SSH2: variants seen among roughly 807,000 people sequenced by gnomAD.
SSH2 encodes the protein protein phosphatase Slingshot homolog 2.
A neutral mutation model predicts 135.2 loss-of-function variants in SSH2; 37 were observed. The observed-to-expected ratio is 0.27, with a 90% CI of 0.21 to 0.36. The LOEUF (loss-of-function observed/expected upper bound fraction) is 0.36. Ranked by LOEUF, SSH2 falls within the 10% of genes least tolerant of loss-of-function variation. The probability of loss-of-function intolerance (pLI) is 1.00; values close to 1 mark genes in which losing one functional copy is unlikely to be tolerated. For synonymous variants in SSH2, 628 were observed against 646.2 expected, an observed-to-expected ratio of 0.97 and a Z score of 0.43; for missense variants, 1,408 against 1,765.3, an observed-to-expected ratio of 0.80 and a Z score of 3.63.
chr17:29,893,795 T>TG (rs1219425229), intron 1 of SSH2, among the ~76,000 whole-genome samples: 7 of 152,166 alleles, frequency 4.6e-5, no homozygotes, highest in Admixed American at 1.3e-4. Flanking sequence ...CTCTACAAGA[T>TG]GAGTTTCTCC....
intron 11 of SSH2, among the ~76,000 whole-genome samples, chr17:29,665,101 G>A (rs2037217323): frequency 6.6e-6 from 1 of 152,032 alleles, no homozygotes; most frequent in African/African-American, 2.4e-5. Context: ...CAGTTGGGAG[G>A]GCCCCATAGA....
chr17:29,716,528 T>C (rs1251902792), intron 3 of SSH2: 3 of 720,470 alleles, frequency 4.2e-6, no homozygotes, highest in Non-Finnish European at 5.1e-6. Context: ...GTAACACTTG[T>C]GGGGCATTCC....
intron 1 of SSH2, among the ~76,000 whole-genome samples, chr17:29,908,940 G>A (rs575746496): frequency 6.6e-6 from 1 of 151,826 alleles, no homozygotes; most frequent in Non-Finnish European, 1.5e-5. Flanking sequence ...ACCCAGGCGT[G>A]GTGGCGGGTG....
intron 3 of SSH2, among the ~76,000 whole-genome samples, chr17:29,785,954 G>A (rs2041954844): frequency 6.6e-6 from 1 of 151,974 alleles, no homozygotes; most frequent in African/African-American, 2.4e-5. Flanking sequence ...ACAGGCGCCC[G>A]CCATCACGCC....
chr17:29,918,938 T>TAA (rs200925117), intron 1 of SSH2, among the ~76,000 whole-genome samples: 1 of 138,392 alleles, frequency 7.2e-6, no homozygotes. Flanking sequence ...CCGTCTCAAA[T>TAA]AAAAAAAAAA....
chr17:29,633,821 T>G (rs752489689), intron 15 of SSH2, among the ~76,000 whole-genome samples: 1 of 152,270 alleles, frequency 6.6e-6, no homozygotes, highest in Non-Finnish European at 1.5e-5. Context: ...AGTATCATTA[T>G]GAGTATCAAT....
chr17:29,710,557 G>A (rs916615409), intron 3 of SSH2, among the ~76,000 whole-genome samples: 1 of 152,086 alleles, frequency 6.6e-6, no homozygotes, highest in African/African-American at 2.4e-5. Context: ...TCTCTGCTTC[G>A]TTGTTTAATT....
chr17:29,716,367 G>A, intron 3 of SSH2: 1 of 495,196 alleles, frequency 2.0e-6, no homozygotes, highest in African/African-American at 2.0e-5. Flanking sequence ...CTCTTAGAGT[G>A]CTTTATGTGC....
At chr17:29,792,963 C>G (rs374939768) in intron 3 of SSH2, among the ~76,000 whole-genome samples, 1 of 152,150 alleles carries the variant, frequency 6.6e-6, no homozygotes, top group East Asian at 1.9e-4. Context: ...CGTGAGCCAC[C>G]GCGCCCGGCC....
chr17:29,683,788 A>G (rs1007776296), intron 6 of SSH2, among the ~76,000 whole-genome samples: 1 of 151,918 alleles, frequency 6.6e-6, no homozygotes, highest in Non-Finnish European at 1.5e-5. Flanking sequence ...AAAAAAAAAA[A>G]AGACCAAATA....
intron 1 of SSH2, among the ~76,000 whole-genome samples, chr17:29,903,169 A>G (rs1203527400): frequency 6.6e-6 from 1 of 151,274 alleles, no homozygotes; most frequent in Non-Finnish European, 1.5e-5. Context: ...CTGGGCAAAG[A>G]GCAAGACTCT....
intron 2 of SSH2, among the ~76,000 whole-genome samples, chr17:29,825,528 G>A (rs2042727944): frequency 6.6e-6 from 1 of 152,162 alleles, no homozygotes; most frequent in Non-Finnish European, 1.5e-5. Context: ...TAAAGAGGAT[G>A]TTCATGCCCA....
intron 2 of SSH2, among the ~76,000 whole-genome samples, chr17:29,813,051 C>T (rs544298740): frequency 2.2e-4 from 33 of 152,158 alleles, no homozygotes; most frequent in African/African-American, 7.2e-4. Flanking sequence ...ATAGTCTCAA[C>T]GAACAAGGAA....
intron 6 of SSH2, 70 bp downstream of exon 6, chr17:29,684,483 TAAAAAAAAAA>T: frequency 1.0e-6 from 1 of 955,936 alleles, no homozygotes; most frequent in Non-Finnish European, 1.4e-6. Context: ...CCGTCCCCAT[TAAAAAAAAAA>T]AAAAAAAAAA....
intron 1 of SSH2, among the ~76,000 whole-genome samples, chr17:29,908,658 G>A (rs1383092620): frequency 6.6e-6 from 1 of 151,420 alleles, no homozygotes; most frequent in Non-Finnish European, 1.5e-5. Flanking sequence ...CAGTTACTCG[G>A]GAGGCTGAAG....
chr17:29,742,481 GTTT>G (rs35446491), intron 3 of SSH2, among the ~76,000 whole-genome samples: 2 of 90,652 alleles, frequency 2.2e-5, no homozygotes, highest in Non-Finnish European at 3.9e-5. Flanking sequence ...ACCACACCCA[GTTT>G]TTTTTTTTTT....
intron 9 of SSH2, among the ~76,000 whole-genome samples, chr17:29,669,899 T>TG (rs1270451556): frequency 6.6e-6 from 1 of 150,854 alleles, no homozygotes; most frequent in African/African-American, 2.4e-5. Context: ...TTTTTTTTTT[T>TG]GAGACTGAGT....
At chr17:29,889,203 T>A (rs912936731) in intron 1 of SSH2, among the ~76,000 whole-genome samples, 2 of 152,210 alleles carry the variant, frequency 1.3e-5, no homozygotes, top group East Asian at 3.9e-4. Context: ...TCCCAGCACT[T>A]TGGGGGGCCA....
intron 1 of SSH2, among the ~76,000 whole-genome samples, chr17:29,897,947 T>C (rs1211676072): frequency 6.6e-6 from 1 of 152,092 alleles, no homozygotes; most frequent in Non-Finnish European, 1.5e-5. Context: ...CACAGTGCAA[T>C]CAACCTGGAA....
Sources: allele counts gnomAD v4.1 joint callset (sites outside exome capture counted in the v4.1 genomes callset), GRCh38; gene constraint gnomAD v4.1.1; transcripts MANE v1.5; gene names NCBI Gene and HGNC (gene_info 2026-07-23, HGNC 2026-07-21).